Variants in PDE10A observed in about 807,000 individuals in gnomAD.
PDE10A encodes the protein cAMP and cAMP-inhibited cGMP 3',5'-cyclic phosphodiesterase 10A.
In PDE10A, 39 loss-of-function variants were observed where a neutral mutation model predicts 97.7. The observed-to-expected ratio is 0.40, with a 90% CI of 0.31 to 0.52. The LOEUF (loss-of-function observed/expected upper bound fraction) is 0.52. PDE10A is among the 20% of genes least tolerant of loss of function. The pLI is 0.56. For missense variants in PDE10A, 731 were observed against 1,047.8 expected (o/e 0.70, Z 4.17); for synonymous variants, 371 against 376.8 (o/e 0.98, Z 0.18).
intron 18 of PDE10A, among the ~76,000 whole-genome samples, chr6:165,354,556 A>C (rs1782902892): frequency 6.6e-6 from 1 of 152,204 alleles, no homozygotes; most frequent in African/African-American, 2.4e-5. Flanking sequence ...TGTTCAACTG[A>C]GTTACTGAAT....
chr6:165,668,188 TAA>T (rs1790543665), upstream of PDE10A, among the ~76,000 whole-genome samples: 1 of 152,216 alleles, frequency 6.6e-6, no homozygotes, highest in Non-Finnish European at 1.5e-5. Context: ...TTAAGAGAAC[TAA>T]AGTCTGGTTT....
rs201181329 is a variant in PDE10A, at chr6:165,568,051, T to G, written c.866-24483A>C. ...TCTCGCTCTGTCGCCCAGGCTGGAGTGCAGTGGCACAATCTTGGCTCACTG... is the reference window on the plus strand; with the variant it reads ...TCTCGCTCTGTCGCCCAGGCTGGAGGGCAGTGGCACAATCTTGGCTCACTG... On this transcript the variant is annotated intron_variant, in intron 1 of 21. Coordinates refer to ENST00000539869, the MANE Select transcript of PDE10A (RefSeq NM_001385079.1). Among the ~76,000 whole-genome samples the G allele has an allele frequency of 9.2e-4, 123 of 133,864 alleles. 1 individual carries two copies. Among genetic ancestry groups the G allele is most frequent in the African/African-American group, 2.9e-3 (104 of 35,726 alleles). The allele number at this position is 133,864 out of a possible 152,430, so 87.8% of individuals were successfully genotyped here.
In PDE10A at chr6:165,714,740, G is replaced by A. The variant is rs140248020; in HGVS notation, c.-614-171172C>T. Among the ~76,000 whole-genome samples the A allele has an allele frequency of 4.8e-4, 73 of 152,370 alleles. No homozygotes were observed. In the East Asian group the frequency reaches 0.014, roughly 28 times the overall value. ...GAATCCCTGCCCTAAAGAAACAGGA[G>A]TCTGTGCAGCCAGTGGATGCACCCC... On this transcript the variant is annotated intron_variant, in intron 1 of 19. Coordinates refer to the PDE10A transcript ENST00000366882.
At chr6:165,364,239 G>T (rs1783617485) in intron 18 of PDE10A, among the ~76,000 whole-genome samples, 1 of 152,162 alleles carries the variant, frequency 6.6e-6, no homozygotes, top group Non-Finnish European at 1.5e-5. Context: ...TGGAAGGAAG[G>T]TGATTATGTC....
intron 1 of PDE10A, among the ~76,000 whole-genome samples, chr6:165,705,811 G>C (rs954487001): frequency 2.0e-5 from 3 of 152,150 alleles, no homozygotes; most frequent in Non-Finnish European, 2.9e-5. Flanking sequence ...AGCAAGCAAT[G>C]GGAATTTTTA....
intron 3 of PDE10A, among the ~76,000 whole-genome samples, chr6:165,458,610 A>C (rs1335751865): frequency 6.6e-6 from 1 of 152,112 alleles, no homozygotes; most frequent in East Asian, 1.9e-4. Flanking sequence ...TATTTGCCTT[A>C]GCATTCTATC....
chr6:165,880,609 T>A (rs1781446928), intron 1 of PDE10A, among the ~76,000 whole-genome samples: 1 of 152,252 alleles, frequency 6.6e-6, no homozygotes, highest in South Asian at 2.1e-4. Context: ...TTTTTGAAAG[T>A]GTAGAGTCCT....
At chr6:165,814,499 C>T (rs747623034) in intron 1 of PDE10A, among the ~76,000 whole-genome samples, 11 of 151,894 alleles carry the variant, frequency 7.2e-5, no homozygotes, top group Non-Finnish European at 1.5e-4. Context: ...GACAAGGAAT[C>T]ATTTACTTTT....
intron 21 of PDE10A, among the ~76,000 whole-genome samples, chr6:165,333,816 A>G (rs985254701): frequency 6.6e-5 from 10 of 152,140 alleles, no homozygotes; most frequent in Admixed American, 6.6e-4. Flanking sequence ...CTGCACAACC[A>G]TCTTACTCTA....
chr6:165,539,773 A>G (rs965958217), intron 2 of PDE10A, among the ~76,000 whole-genome samples: 1 of 151,834 alleles, frequency 6.6e-6, no homozygotes, highest in Non-Finnish European at 1.5e-5. Flanking sequence ...AAAAAAATAC[A>G]AATAGTAGCC....
At chr6:165,928,119 G>A (rs1334273736) in intron 1 of PDE10A, among the ~76,000 whole-genome samples, 1 of 151,486 alleles carries the variant, frequency 6.6e-6, no homozygotes, top group Admixed American at 6.6e-5. Context: ...TAAACACTAT[G>A]TATACACTAT....
At chr6:165,816,403 T>C (rs560010171) in intron 1 of PDE10A, among the ~76,000 whole-genome samples, 1 of 152,362 alleles carries the variant, frequency 6.6e-6, no homozygotes, top group South Asian at 2.1e-4. Context: ...AAGGGACTGA[T>C]GCAGTCTCTG....
intron 1 of PDE10A, among the ~76,000 whole-genome samples, chr6:165,883,554 TAAATA>T (rs1205710212): frequency 1.2e-4 from 18 of 148,446 alleles, no homozygotes; most frequent in Non-Finnish European, 2.5e-4. Context: ...AAAAAAAAAA[TAAATA>T]AAAATAAAAA....
At chr6:165,858,851 G>A (rs1191321209) in intron 1 of PDE10A, among the ~76,000 whole-genome samples, 2 of 152,158 alleles carry the variant, frequency 1.3e-5, no homozygotes, top group Non-Finnish European at 2.9e-5. Flanking sequence ...GCTTAGAAAT[G>A]GAAAATTCCA....
At chr6:165,479,374 A>G (rs1439435351) in intron 3 of PDE10A, among the ~76,000 whole-genome samples, 2 of 152,080 alleles carry the variant, frequency 1.3e-5, no homozygotes, top group African/African-American at 2.4e-5. Flanking sequence ...TGGTCTCCGC[A>G]TGACTCACTC....
At chr6:165,404,218 T>G (rs1176459234) in intron 13 of PDE10A, among the ~76,000 whole-genome samples, 1 of 152,116 alleles carries the variant, frequency 6.6e-6, no homozygotes, top group Non-Finnish European at 1.5e-5. Context: ...GGAAATGCTG[T>G]GCTGTTTATT....
chr6:165,570,076 G>A (rs545859279), intron 1 of PDE10A, among the ~76,000 whole-genome samples: 2 of 152,274 alleles, frequency 1.3e-5, no homozygotes, highest in Admixed American at 1.3e-4. Context: ...CTCAGAATGT[G>A]ACTCTGTGTG....
At chr6:165,500,667 C>T (rs1449944063) in intron 2 of PDE10A, among the ~76,000 whole-genome samples, 1 of 152,092 alleles carries the variant, frequency 6.6e-6, no homozygotes, top group Non-Finnish European at 1.5e-5. Context: ...CAGCCAACAC[C>T]CATAAAGGGT....
intron 1 of PDE10A, among the ~76,000 whole-genome samples, chr6:165,828,047 G>A (rs1188130345): frequency 6.6e-6 from 1 of 152,176 alleles, no homozygotes; most frequent in Non-Finnish European, 1.5e-5. Flanking sequence ...TCATCTCAAT[G>A]ATGCTCAGGC....
Sources: allele counts gnomAD v4.1 joint callset (sites outside exome capture counted in the v4.1 genomes callset), GRCh38; gene constraint gnomAD v4.1.1; transcripts MANE v1.5; gene names NCBI Gene and HGNC (gene_info 2026-07-23, HGNC 2026-07-21).